SSBP3: variants seen among roughly 807,000 people sequenced by gnomAD.
SSBP3 encodes single-stranded DNA-binding protein 3.
SSBP3 carries 5 observed loss-of-function variants against 69.6 expected under a neutral mutation model. The observed-to-expected ratio is 0.07, with a 90% CI of 0.04 to 0.15. The LOEUF is 0.15. Among genes scored for constraint, SSBP3 ranks in the 10% least tolerant of loss-of-function variants. SSBP3 has a pLI of 1.00. For synonymous variants in SSBP3, 196 were observed against 193.4 expected (o/e 1.01, Z -0.11); for missense variants, 312 against 534.0 (o/e 0.58, Z 4.10).
At chr1:54,255,448 G>A (rs780868176) in intron 7 of SSBP3, 5 of 152,194 alleles carry the variant, frequency 3.3e-5, no homozygotes, top group Admixed American at 6.5e-5. Context: ...CAGGCCCAGC[G>A]GTGATGGGTT....
At chr1:54,310,955 T>C (rs925337827) in intron 4 of SSBP3, among the ~76,000 whole-genome samples, 6 of 152,190 alleles carry the variant, frequency 3.9e-5, no homozygotes, top group Non-Finnish European at 7.4e-5. Context: ...TGACATCACC[T>C]GGAAGGACCG....
chr1:54,363,652 T>G (rs1256394668), intron 4 of SSBP3, among the ~76,000 whole-genome samples: 1 of 152,130 alleles, frequency 6.6e-6, no homozygotes, highest in East Asian at 1.9e-4. Context: ...CATCATTTTT[T>G]TAATGTAAAA....
At chr1:54,381,000 C>T (rs1647589771) in intron 4 of SSBP3, among the ~76,000 whole-genome samples, 1 of 151,694 alleles carries the variant, frequency 6.6e-6, no homozygotes, top group African/African-American at 2.4e-5. Flanking sequence ...GTGGTACAAG[C>T]CTGTAATTCC....
intron 5 of SSBP3, among the ~76,000 whole-genome samples, chr1:54,265,796 G>A (rs966912489): frequency 2.0e-5 from 3 of 152,322 alleles, no homozygotes; most frequent in East Asian, 3.9e-4. Context: ...ATTGATTTCC[G>A]TGTGAGCAAA....
intron 5 of SSBP3, among the ~76,000 whole-genome samples, chr1:54,269,699 G>A (rs889343368): frequency 1.3e-5 from 2 of 152,224 alleles, no homozygotes; most frequent in Admixed American, 6.5e-5. Flanking sequence ...GCAGCCTATA[G>A]AACAATCCCC....
chr1:54,267,144 C>T (rs1645116088), intron 5 of SSBP3, among the ~76,000 whole-genome samples: 1 of 152,188 alleles, frequency 6.6e-6, no homozygotes, highest in South Asian at 2.1e-4. Context: ...AAGGCTCCAC[C>T]TCGAATGGCT....
rs114751339 is a variant in SSBP3 at position 54,399,955 on chromosome 1, T to C, written c.276+1906A>G. ...CCACATGATACCAGGTGGAGCCCAA[T>C]TCAAAAAAAAAGGTTTTTACACCCC... On this transcript the variant is annotated intron_variant, in intron 4 of 17. Coordinates refer to ENST00000610401, the Ensembl canonical transcript of SSBP3. Among the ~76,000 whole-genome samples the C allele has an allele frequency of 4.5e-3, 681 of 151,992 alleles. 6 individuals are homozygous for C. Among genetic ancestry groups the C allele is most frequent in the African/African-American group, 0.016 (646 of 41,468 alleles).
chr1:54,291,250 A>G (rs1487159598), intron 4 of SSBP3, among the ~76,000 whole-genome samples: 2 of 152,178 alleles, frequency 1.3e-5, no homozygotes, highest in Admixed American at 6.5e-5. Flanking sequence ...GTGAGCATCA[A>G]ATTTAGTGGG....
At chr1:54,386,915 A>C (rs1264410886) in intron 4 of SSBP3, among the ~76,000 whole-genome samples, 1 of 150,966 alleles carries the variant, frequency 6.6e-6, no homozygotes, top group Non-Finnish European at 1.5e-5. Flanking sequence ...GCTACTTACT[A>C]CTCAACAGGA....
At chr1:54,233,700 T>C (rs1376985794) in intron 14 of SSBP3, among the ~76,000 whole-genome samples, 1 of 132,328 alleles carries the variant, frequency 7.6e-6, no homozygotes, top group Admixed American at 7.6e-5. Context: ...AGCCGCCCCG[T>C]CTGGGAGGGA....
At chr1:54,254,774 T>C (rs552941124) in intron 7 of SSBP3, among the ~76,000 whole-genome samples, 30 of 152,316 alleles carry the variant, frequency 2.0e-4, no homozygotes, top group African/African-American at 3.6e-4. Flanking sequence ...CTTTGGAGGA[T>C]AGAAATTTCT....
chr1:54,349,824 TCTC>T lies in SSBP3; in HGVS notation c.276+52034_276+52036del, dbSNP rs533919955. On this transcript the variant is annotated intron_variant, in intron 4 of 17. Coordinates refer to ENST00000610401, the Ensembl canonical transcript of SSBP3. Reference sequence around the variant, plus strand: ...ATTTCATCTTTTAACTTTCCTCTCCTCTCCTCATTTCCATTTTAGGTTCAACCT... The same window carrying T: ...ATTTCATCTTTTAACTTTCCTCTCCTCTCATTTCCATTTTAGGTTCAACCT... Among the ~76,000 whole-genome samples the T allele has an allele frequency of 5.1e-3, 769 of 152,234 alleles. 9 individuals are homozygous for T. Among genetic ancestry groups the T allele is most frequent in the Middle Eastern group, 0.034 (10 of 294 alleles).
intron 4 of SSBP3, among the ~76,000 whole-genome samples, chr1:54,312,142 T>A (rs1646014617): frequency 6.6e-6 from 1 of 152,134 alleles, no homozygotes; most frequent in Admixed American, 6.5e-5. Context: ...TTAAAGAATA[T>A]GCAGTGGCCA....
At chr1:54,289,601 C>CA (rs1645567808) in intron 4 of SSBP3, among the ~76,000 whole-genome samples, 1 of 151,888 alleles carries the variant, frequency 6.6e-6, no homozygotes, top group Non-Finnish European at 1.5e-5. Flanking sequence ...GCGCTGTGAG[C>CA]GGGGATTAGG....
exon 18 of SSBP3, chr1:54,225,577 C>A: frequency 2.0e-6 from 1 of 489,508 alleles, no homozygotes; most frequent in Non-Finnish European, 3.1e-6. Context: ...TACAATGTTC[C>A]CAATAATCCG....
chr1:54,275,464 G>A (rs1645268045), intron 5 of SSBP3, among the ~76,000 whole-genome samples: 1 of 152,254 alleles, frequency 6.6e-6, no homozygotes, highest in Admixed American at 6.5e-5. Flanking sequence ...TCCCTCTGCT[G>A]GCTCCTGCTT....
intron 9 of SSBP3, among the ~76,000 whole-genome samples, chr1:54,249,326 T>C (rs1052963872): frequency 6.6e-5 from 10 of 152,242 alleles, no homozygotes; most frequent in African/African-American, 2.4e-4. Flanking sequence ...GTCTTAACAT[T>C]GGTTTTCAGT....
intron 6 of SSBP3, among the ~76,000 whole-genome samples, chr1:54,257,660 G>A (rs1644946159): frequency 6.6e-6 from 1 of 152,142 alleles, no homozygotes; most frequent in Non-Finnish European, 1.5e-5. Context: ...AAACGCCAAG[G>A]AGACAGCGGG....
chr1:54,289,064 T>G (rs1569635402), intron 4 of SSBP3, among the ~76,000 whole-genome samples: 1 of 112,228 alleles, frequency 8.9e-6, no homozygotes, highest in Admixed American at 8.7e-5. Flanking sequence ...AAAACAGTAA[T>G]GTCCCACTCA....
Sources: gnomAD v4.1 joint callset for allele counts (sites outside exome capture counted in the v4.1 genomes callset) on GRCh38, gnomAD v4.1.1 for gene constraint, MANE v1.5 for transcripts, NCBI Gene and HGNC (gene_info 2026-07-23, HGNC 2026-07-21) for gene names.